Variants in STAU2 observed in about 807,000 individuals in gnomAD.
STAU2 encodes staufen double-stranded RNA binding protein 2, also known as double-stranded RNA-binding protein Staufen homolog 2.
STAU2 carries 20 observed loss-of-function variants against 65.9 expected under a neutral mutation model. The observed-to-expected ratio is 0.30, with a 90% confidence interval of 0.21 to 0.44. The LOEUF is 0.44. Ranked by LOEUF, STAU2 falls within the 20% of genes least tolerant of loss-of-function variation. The pLI is 1.00. For synonymous variants in STAU2, 232 were observed against 233.9 expected (o/e 0.99, Z 0.07); for missense variants, 558 against 683.9 (o/e 0.82, Z 2.05).
At chr8:73,540,695 A>C (rs1212878125) in intron 13 of STAU2, among the ~76,000 whole-genome samples, 1 of 152,224 alleles carries the variant, frequency 6.6e-6, no homozygotes, top group African/African-American at 2.4e-5. Context: ...GCAGATATCA[A>C]AGTAAAATAT....
chr8:73,429,779 C>T (rs1463275276), intron 13 of STAU2, among the ~76,000 whole-genome samples: 2 of 152,104 alleles, frequency 1.3e-5, no homozygotes. Flanking sequence ...TACCTGATTT[C>T]AGCAGAGTTT....
intron 5 of STAU2, among the ~76,000 whole-genome samples, chr8:73,685,343 G>A (rs1357677275): frequency 1.3e-5 from 2 of 151,210 alleles, no homozygotes; most frequent in African/African-American, 4.9e-5. Context: ...AATAAAGGAT[G>A]TTGGCGTGGA....
At chr8:73,537,192 CAG>C (rs1476818160) in intron 13 of STAU2, among the ~76,000 whole-genome samples, 2 of 151,782 alleles carry the variant, frequency 1.3e-5, no homozygotes, top group Non-Finnish European at 2.9e-5. Context: ...ATCTGAAAAA[CAG>C]AGAAAAAAAG....
At chr8:73,729,319 TTG>T (rs1446190169) in intron 3 of STAU2, among the ~76,000 whole-genome samples, 1 of 152,214 alleles carries the variant, frequency 6.6e-6, no homozygotes, top group Non-Finnish European at 1.5e-5. Flanking sequence ...TAGTATTTTG[TTG>T]AAGATTTTTG....
At chr8:73,506,515 TAATTTTA>T (rs1323611684) in intron 13 of STAU2, among the ~76,000 whole-genome samples, 3 of 152,164 alleles carry the variant, frequency 2.0e-5, no homozygotes, top group Non-Finnish European at 4.4e-5. Context: ...GAACATACTT[TAATTTTA>T]AAAACAGTTT....
At chr8:73,559,053 T>C (rs1404672830) in intron 12 of STAU2, among the ~76,000 whole-genome samples, 4 of 152,304 alleles carry the variant, frequency 2.6e-5, no homozygotes, top group Non-Finnish European at 5.9e-5. Flanking sequence ...TCTCTAGTGA[T>C]TTTTAAAAAT....
At chr8:73,477,364 A>G (rs752908019) in intron 13 of STAU2, among the ~76,000 whole-genome samples, 6 of 152,224 alleles carry the variant, frequency 3.9e-5, no homozygotes, top group African/African-American at 7.2e-5. Context: ...CTACTTTTTC[A>G]ACAAAAGAGA....
At chr8:73,467,282 C>T (rs983433311) in intron 13 of STAU2, among the ~76,000 whole-genome samples, 1 of 152,186 alleles carries the variant, frequency 6.6e-6, no homozygotes, top group Non-Finnish European at 1.5e-5. Flanking sequence ...CCTGTAATCC[C>T]AGCACTTTGG....
At chr8:73,424,201 CTTTTTT>C (rs59063960) in intron 13 of STAU2, among the ~76,000 whole-genome samples, 3 of 115,308 alleles carry the variant, frequency 2.6e-5, no homozygotes, top group Admixed American at 9.8e-5. Flanking sequence ...TCCTCTATGT[CTTTTTT>C]TTTTTTTTTT....
At chr8:73,541,950 CAGG>C (rs1806572554) in intron 13 of STAU2, among the ~76,000 whole-genome samples, 1 of 151,878 alleles carries the variant, frequency 6.6e-6, no homozygotes, top group Non-Finnish European at 1.5e-5. Context: ...GGGAGAATAA[CAGG>C]AGATTTAACA....
intron 6 of STAU2, among the ~76,000 whole-genome samples, chr8:73,620,789 T>C (rs917368660): frequency 6.6e-6 from 1 of 152,198 alleles, no homozygotes; most frequent in Non-Finnish European, 1.5e-5. Context: ...CTGTTTCACT[T>C]CATCCTCTTA....
chr8:73,635,936 ACACACACACACACACC>A (rs1191575130), intron 6 of STAU2, among the ~76,000 whole-genome samples: 26 of 116,722 alleles, frequency 2.2e-4, no homozygotes, highest in Admixed American at 8.8e-4. Context: ...ACACACACAC[ACACACACACACACACC>A]CCTGGAACCA....
At chr8:73,431,249 G>A (rs1311331593) in intron 13 of STAU2, among the ~76,000 whole-genome samples, 1 of 152,158 alleles carries the variant, frequency 6.6e-6, no homozygotes. Context: ...CTCAGAAGAT[G>A]TTTTCCTAGC....
chr8:73,464,798 G>T (rs1468170184), intron 13 of STAU2, among the ~76,000 whole-genome samples: 2 of 152,242 alleles, frequency 1.3e-5, no homozygotes, highest in East Asian at 3.8e-4. Context: ...CAGAAAGGAA[G>T]TTGGGAGGTT....
At chr8:73,673,330 C>T in intron 5 of STAU2, 88 bp from the exon 6 acceptor site, 1 of 1,275,588 alleles carries the variant, frequency 7.8e-7, no homozygotes, top group East Asian at 2.7e-5. Flanking sequence ...GCTTAAATAC[C>T]ATGGAAGAAG....
intron 4 of STAU2, among the ~76,000 whole-genome samples, chr8:73,693,263 G>A (rs1255848409): frequency 5.3e-5 from 8 of 152,184 alleles, no homozygotes; most frequent in African/African-American, 1.9e-4. Flanking sequence ...CACGAGGTCA[G>A]GAGATCGAGA....
At chr8:73,515,933 C>CTTT (rs570606347) in intron 13 of STAU2, among the ~76,000 whole-genome samples, 3 of 126,688 alleles carry the variant, frequency 2.4e-5, no homozygotes, top group Non-Finnish European at 3.4e-5. Context: ...GGCACTGACT[C>CTTT]TTTTTTTTTT....
chr8:73,701,105 A>G (rs1820068306), intron 4 of STAU2, among the ~76,000 whole-genome samples: 1 of 152,132 alleles, frequency 6.6e-6, no homozygotes, highest in African/African-American at 2.4e-5. Flanking sequence ...ATCTCTTGCC[A>G]TACACAAAAA....
At chr8:73,591,245 G>A (rs892809041) in intron 11 of STAU2, among the ~76,000 whole-genome samples, 13 of 152,102 alleles carry the variant, frequency 8.5e-5, no homozygotes, top group African/African-American at 3.1e-4. Context: ...AGCCACAATA[G>A]GAGGTCAGAG....
Sources: allele counts gnomAD v4.1 joint callset (sites outside exome capture counted in the v4.1 genomes callset), GRCh38; gene constraint gnomAD v4.1.1; transcripts MANE v1.5; gene names NCBI Gene and HGNC (gene_info 2026-07-23, HGNC 2026-07-21).